AHCYL2: variants seen among roughly 807,000 people sequenced by gnomAD.
AHCYL2 encodes the protein adenosylhomocysteinase like 2.
In AHCYL2, 28 loss-of-function variants were observed where a neutral mutation model predicts 81.4. The ratio of observed to expected loss-of-function variants is 0.34; its 90% CI spans 0.25 to 0.47. AHCYL2 has a LOEUF of 0.47. Ranked by LOEUF, AHCYL2 falls within the 20% of genes least tolerant of loss-of-function variation. The probability of loss-of-function intolerance (pLI) is 1.00; values close to 1 mark genes in which losing one functional copy is unlikely to be tolerated. For missense variants in AHCYL2, 551 were observed against 785.1 expected, an observed-to-expected ratio of 0.70 and a Z score of 3.56; for synonymous variants, 272 against 290.2, an observed-to-expected ratio of 0.94 and a Z score of 0.64.
chr7:129,359,419 T>C (rs776777374), intron 1 of AHCYL2, among the ~76,000 whole-genome samples: 26 of 152,342 alleles, frequency 1.7e-4, no homozygotes, highest in Non-Finnish European at 3.8e-4. Context: ...ATCTGTGTAG[T>C]GGTTGCATAG....
At chr7:129,309,534 T>A (rs1484486048) in intron 1 of AHCYL2, among the ~76,000 whole-genome samples, 1 of 152,092 alleles carries the variant, frequency 6.6e-6, no homozygotes, top group Non-Finnish European at 1.5e-5. Flanking sequence ...AGCAAGACCT[T>A]GTCTCAAAAT....
intron 1 of AHCYL2, among the ~76,000 whole-genome samples, chr7:129,298,894 G>A: frequency 6.6e-6 from 1 of 152,052 alleles, no homozygotes; most frequent in East Asian, 1.9e-4. Context: ...TTGGTCTAAA[G>A]GTAGGCAAGC....
chr7:129,390,053 C>T (rs1253614530), intron 4 of AHCYL2, among the ~76,000 whole-genome samples: 1 of 152,148 alleles, frequency 6.6e-6, no homozygotes, highest in African/African-American at 2.4e-5. Context: ...CCTGAAACTT[C>T]AGACAGTACT....
intron 1 of AHCYL2, among the ~76,000 whole-genome samples, chr7:129,339,839 T>A (rs1793099419): frequency 6.6e-6 from 1 of 150,572 alleles, no homozygotes; most frequent in Non-Finnish European, 1.5e-5. Flanking sequence ...CACTAATTGA[T>A]TTTCTTTTAG....
intron 1 of AHCYL2, among the ~76,000 whole-genome samples, chr7:129,356,581 A>C (rs892323655): frequency 1.3e-5 from 2 of 152,208 alleles, no homozygotes. Context: ...GAACATAGGC[A>C]TCTTTGATGA....
intron 1 of AHCYL2, among the ~76,000 whole-genome samples, chr7:129,341,014 T>C (rs1253817885): frequency 6.6e-6 from 1 of 152,230 alleles, no homozygotes; most frequent in Non-Finnish European, 1.5e-5. Context: ...ATCAAGGTTA[T>C]GCTGGTTTGA....
intron 1 of AHCYL2, among the ~76,000 whole-genome samples, chr7:129,321,590 G>A (rs1240857157): frequency 2.6e-5 from 4 of 152,120 alleles, no homozygotes; most frequent in African/African-American, 9.7e-5. Context: ...TTACATCTGT[G>A]TTAGTGAGAA....
chr7:129,345,487 G>GT (rs1341270497), intron 1 of AHCYL2, among the ~76,000 whole-genome samples: 3 of 152,130 alleles, frequency 2.0e-5, no homozygotes, highest in African/African-American at 4.8e-5. Context: ...CTTGCAACAT[G>GT]TAACTGCTTG....
At chr7:129,251,310 A>G (rs1401082127) in intron 1 of AHCYL2, among the ~76,000 whole-genome samples, 1 of 132,620 alleles carries the variant, frequency 7.5e-6, no homozygotes. Flanking sequence ...GCTGGCAGAT[A>G]GTAAAGATTT....
Position 129,328,974 on chromosome 7 carries a change from T to C in AHCYL2, c.364-50664T>C, listed in dbSNP as rs1798324518. On this transcript the variant is annotated intron_variant, in intron 1 of 16. Transcript: ENST00000325006. The stretch of plus-strand genomic sequence containing the variant: ...TCTAATATAGTGTTCTCAAACTGAC[T>C]TGAATGTGGATTTTAAATTTTTTAA... 2.0e-5 allele frequency among the ~76,000 whole-genome samples: 3 copies of C among 152,210 alleles called. No individual in the cohort carries two copies. In the South Asian group the frequency reaches 6.2e-4, roughly 31 times the overall value.
At chr7:129,387,861 C>G (rs1213432505) in intron 2 of AHCYL2, among the ~76,000 whole-genome samples, 1 of 152,118 alleles carries the variant, frequency 6.6e-6, no homozygotes, top group Non-Finnish European at 1.5e-5. Context: ...TTCCTGTTGC[C>G]TCGTGTTAGG....
intron 4 of AHCYL2, among the ~76,000 whole-genome samples, chr7:129,393,697 G>A (rs1286653427): frequency 6.6e-6 from 1 of 151,856 alleles, no homozygotes; most frequent in Non-Finnish European, 1.5e-5. Flanking sequence ...ACATTTCCTT[G>A]CTTTTGGTAC....
At chr7:129,286,805 C>A (rs1336412957) in intron 1 of AHCYL2, among the ~76,000 whole-genome samples, 3 of 152,060 alleles carry the variant, frequency 2.0e-5, no homozygotes, top group African/African-American at 7.2e-5. Flanking sequence ...GTTTTTGTCT[C>A]TGTGGGTTAT....
chr7:129,357,903 C>T (rs1457910920), intron 1 of AHCYL2, among the ~76,000 whole-genome samples: 1 of 148,764 alleles, frequency 6.7e-6, no homozygotes, highest in East Asian at 2.0e-4. Context: ...CACTGCACTC[C>T]AGCCTGGGTG....
intron 1 of AHCYL2, among the ~76,000 whole-genome samples, chr7:129,354,590 T>A (rs78676283): frequency 6.6e-6 from 1 of 152,186 alleles, no homozygotes; most frequent in African/African-American, 2.4e-5. Flanking sequence ...TATGTATGGT[T>A]CCTTGCAAGT....
At chr7:129,273,984 A>C (rs1036359892) in intron 1 of AHCYL2, among the ~76,000 whole-genome samples, 1 of 152,192 alleles carries the variant, frequency 6.6e-6, no homozygotes, top group Non-Finnish European at 1.5e-5. Flanking sequence ...GCAAAAATTA[A>C]CCCATCTCTT....
intron 1 of AHCYL2, among the ~76,000 whole-genome samples, chr7:129,245,794 TA>T (rs1164042083): frequency 6.6e-6 from 1 of 152,256 alleles, no homozygotes; most frequent in Non-Finnish European, 1.5e-5. Context: ...CTGTTGTGAA[TA>T]ATGCTTCTAT....
At chr7:129,311,105 CAAA>C (rs56828305) in intron 1 of AHCYL2, among the ~76,000 whole-genome samples, 3 of 109,188 alleles carry the variant, frequency 2.7e-5, no homozygotes, top group Admixed American at 9.6e-5. Flanking sequence ...AACCCTGTCT[CAAA>C]AAAAAAAAAA....
chr7:129,346,005 G>A (rs1342653295), intron 1 of AHCYL2, among the ~76,000 whole-genome samples: 1 of 152,156 alleles, frequency 6.6e-6, no homozygotes, highest in Non-Finnish European at 1.5e-5. Context: ...GGCTGTCTAA[G>A]TAGAGATTTA....
Sources: gnomAD v4.1 joint callset for allele counts (sites outside exome capture counted in the v4.1 genomes callset) on GRCh38, gnomAD v4.1.1 for gene constraint, MANE v1.5 for transcripts, NCBI Gene and HGNC (gene_info 2026-07-23, HGNC 2026-07-21) for gene names.